The following ZAP70 variants were observed in gnomAD, a reference collection of about 807,000 sequenced individuals.
ZAP70 encodes zeta chain of T cell receptor associated protein kinase 70.
In ZAP70, 27 loss-of-function variants were observed where a neutral mutation model predicts 65.8. The observed-to-expected ratio is 0.41, with a 90% CI of 0.30 to 0.57. ZAP70 has a LOEUF of 0.57. ZAP70 is among the 20% of genes least tolerant of loss of function. The pLI is 0.28. For missense variants in ZAP70, 696 were observed against 870.5 expected (o/e 0.80, Z 2.52); for synonymous variants, 363 against 360.8 (o/e 1.01, Z -0.07).
chr2:97,751,478 A>C, the ZAP70 span, among the ~76,000 whole-genome samples: 1 of 152,198 alleles, frequency 6.6e-6, no homozygotes, highest in Non-Finnish European at 1.5e-5. Context: ...ATTTCTTAAG[A>C]TGTAGAATTT....
intron 2 of ZAP70, among the ~76,000 whole-genome samples, chr2:97,718,537 G>A (rs1403827602): frequency 6.6e-6 from 1 of 152,154 alleles, no homozygotes; most frequent in Non-Finnish European, 1.5e-5. Context: ...GTGGGGTGGT[G>A]CTTGTGATTA....
chr2:97,724,640 G>C, intron 3 of ZAP70: 2 of 1,531,892 alleles, frequency 1.3e-6, no homozygotes, highest in Non-Finnish European at 1.7e-6. Flanking sequence ...GTCGCCTTCC[G>C]CAGGCTGAGC....
intron 8 of ZAP70, 142 bp downstream of exon 8, chr2:97,733,737 C>T: frequency 1.1e-6 from 1 of 946,614 alleles, no homozygotes; most frequent in Non-Finnish European, 1.7e-6. Flanking sequence ...CCTGTGCACA[C>T]ATGTGCCCAC....
In ZAP70 at chr2:97,734,717, G is replaced by T; in HGVS notation, c.1082+5G>T. ...GGGCGTGTACCGCATGCGCAAGTATGGCCGCCCCTGCCGTGGTGGGAGCAC... is the reference window on the plus strand; with the variant it reads ...GGGCGTGTACCGCATGCGCAAGTATTGCCGCCCCTGCCGTGGTGGGAGCAC... On this transcript the variant is annotated splice_donor_5th_base_variant and intron_variant, in intron 9 of 13. Transcript: ENST00000264972. 1 of 1,613,348 alleles carries T rather than the reference G, an allele frequency of 6.2e-7. No individual in the cohort carries two copies.
chr2:97,717,969 A>G (rs1306275421), intron 2 of ZAP70, among the ~76,000 whole-genome samples: 6 of 152,066 alleles, frequency 3.9e-5, no homozygotes, highest in African/African-American at 1.5e-4. Flanking sequence ...CTCTGCTGTG[A>G]TCTCTGTGCT....
rs1162440569 is a variant in ZAP70 at position 97,731,265 on chromosome 2, A to G, written c.564-1618A>G. Among the ~76,000 whole-genome samples, 1 of 152,104 alleles carries G rather than the reference A, an allele frequency of 6.6e-6. No homozygotes were observed. Among genetic ancestry groups the G allele is most frequent in the Non-Finnish European group, 1.5e-5 (1 of 68,000 alleles). ...TGACTTCCACAGCTCTGAGACCCCC[A>G]GGGCCAATAGCCCTCCCTCCTCACT... is the stretch of plus-strand genomic sequence containing the variant. On this transcript the variant is annotated intron_variant, in intron 4 of 13. Transcript: ENST00000264972. This position sits in a 1 kb window ranked among gnomAD's most constrained non-coding sequence, Gnocchi z 4.0.
In ZAP70 at chr2:97,737,500, C is replaced by G; in HGVS notation, c.1317C>G (p.Ala439=). The G allele has an allele frequency of 1.9e-6, 3 of 1,614,074 alleles. No homozygotes were observed. Among genetic ancestry groups the G allele is most frequent in the Non-Finnish European group, 2.5e-6 (3 of 1,179,964 alleles). ...KREEIPVSNV[A]ELLHQVSMGM... ...AGGAGATCCCTGTGAGCAATGTGGCCGAGCTGCTGCACCAGGTGTCCATGG... is the reference window on the plus strand; with the variant it reads ...AGGAGATCCCTGTGAGCAATGTGGCGGAGCTGCTGCACCAGGTGTCCATGG... Residue 439 remains alanine (A), a synonymous_variant, in exon 11 of 14, where the codon GCC becomes GCG. Transcript: ENST00000264972. The surrounding 1 kb of genome is among the most constrained non-coding windows in gnomAD (Gnocchi z 5.0).
rs1573286699 is a variant in ZAP70 at position 97,736,260 on chromosome 2, G to C, written c.1289+804G>C. On this transcript the variant is annotated intron_variant, in intron 10 of 13. Transcript: ENST00000264972. This position sits in a 1 kb window ranked among gnomAD's most constrained non-coding sequence, Gnocchi z 4.0. Reference sequence around the variant, plus strand: ...TAAAGGCTAAAATCCTTACTATCCGGCCCTTTACTGAAAAGTTTTGCAGTT... The same window carrying C: ...TAAAGGCTAAAATCCTTACTATCCGCCCCTTTACTGAAAAGTTTTGCAGTT... Among the ~76,000 whole-genome samples, 1 of 151,942 alleles carries C rather than the reference G, an allele frequency of 6.6e-6. No individual in the cohort carries two copies. The highest frequency in any genetic ancestry group is 2.1e-4 in the South Asian group (1 of 4,814).
rs868316208 is a variant in ZAP70 at position 97,724,572 on chromosome 2, G to A, written c.402+134G>A. On this transcript the variant is annotated intron_variant, in intron 3 of 13. Coordinates refer to ENST00000264972, the MANE Select transcript of ZAP70 (RefSeq NM_001079.4). ...CCCCTTTGGAAGCTGGAGAGGTGGG[G>A]CACTGGTTGGGGAAGAACCTGAAAG... The A allele has an allele frequency of 2.5e-5, 39 of 1,534,072 alleles. No homozygotes were observed. In the Middle Eastern group the frequency reaches 8.4e-4, roughly 33 times the overall value.
At chr2:97,728,958 G>A (rs1317097653) in intron 4 of ZAP70, among the ~76,000 whole-genome samples, 2 of 152,180 alleles carry the variant, frequency 1.3e-5, no homozygotes, top group African/African-American at 4.8e-5. Context: ...TTGCCATGTT[G>A]GCCAGGCTGG....
rs982668677 is a variant in ZAP70, at chr2:97,733,185, C to T, written c.763C>T (p.Pro255Ser). The part of the protein sequence containing the change: ...GLIYCLKEAC[P>S]NSSASNASGA... Reference sequence around the variant, plus strand: ...CATCTACTGCCTGAAGGAGGCCTGCCCCAACAGCAGTGCCAGCAACGCCTC... The same window carrying T: ...CATCTACTGCCTGAAGGAGGCCTGCTCCAACAGCAGTGCCAGCAACGCCTC... Residue 255 changes from proline to serine, a missense_variant, in exon 6 of 14, where the codon CCC (proline) becomes TCC (serine). Physicochemically the swap from Pro to Ser is moderately conservative, Grantham distance 74 (BLOSUM62 -1). Around this residue, in one of 3 missense-constraint regions of ZAP70, gnomAD observed 551 missense variants for 630.0 expected, o/e 0.87. Coordinates refer to ENST00000264972, the MANE Select transcript of ZAP70 (RefSeq NM_001079.4). The T allele has an allele frequency of 1.2e-5, 19 of 1,613,620 alleles. No individual in the cohort carries two copies. Among genetic ancestry groups the T allele is most frequent in the Non-Finnish European group, 1.5e-5 (18 of 1,179,948 alleles).
chr2:97,751,010 G>A, the ZAP70 span, among the ~76,000 whole-genome samples: 13 of 152,186 alleles, frequency 8.5e-5, no homozygotes, highest in Non-Finnish European at 1.6e-4. Flanking sequence ...GATCGCTACT[G>A]GAAGGTTTTG....
chr2:97,733,618 G>A (rs897858343), intron 8 of ZAP70, 23 bp downstream of exon 8: 21 of 1,613,240 alleles, frequency 1.3e-5, no homozygotes, highest in African/African-American at 4.0e-5. Context: ...AGGTGGGGAC[G>A]CGGGTTGGGG....
chr2:97,737,323 C>A lies in ZAP70; in HGVS notation c.1290-150C>A. ...GTTTTGTTCACTGCTGTGTCCCCAGCCCCACGCCTGGCACACAGCAGGTGC... is the reference window on the plus strand; with the variant it reads ...GTTTTGTTCACTGCTGTGTCCCCAGACCCACGCCTGGCACACAGCAGGTGC... On this transcript the variant is annotated intron_variant, in intron 10 of 13. Transcript: ENST00000264972. This position sits in a 1 kb window ranked among gnomAD's most constrained non-coding sequence, Gnocchi z 5.0. The A allele has an allele frequency of 1.3e-6, 1 of 785,058 alleles. No homozygotes were observed. The highest frequency in any genetic ancestry group is 2.1e-6 in the Non-Finnish European group (1 of 467,370). The allele number at this position is 785,058 out of a possible 1,614,324, so 48.6% of individuals were successfully genotyped here. A position where few individuals can be genotyped will look rare whatever the true frequency, so the allele number is the denominator to read the frequency against.
downstream of ZAP70, among the ~76,000 whole-genome samples, chr2:97,741,949 G>A (rs1429522529): frequency 2.0e-5 from 3 of 152,260 alleles, no homozygotes; most frequent in Non-Finnish European, 4.4e-5. Context: ...GGCCAATCTG[G>A]TGGGCTTCCT....
intron 4 of ZAP70, among the ~76,000 whole-genome samples, chr2:97,732,405 G>A (rs916798304): frequency 2.0e-5 from 3 of 152,200 alleles, no homozygotes; most frequent in Non-Finnish European, 4.4e-5. Context: ...AAGGCTCTGG[G>A]TCTGTTGTAG....
downstream of ZAP70, among the ~76,000 whole-genome samples, chr2:97,743,886 C>T (rs1678186868): frequency 6.6e-6 from 1 of 152,120 alleles, no homozygotes; most frequent in Non-Finnish European, 1.5e-5. Context: ...CATTAGGGGG[C>T]CCTGCATTGG....
intron 2 of ZAP70, among the ~76,000 whole-genome samples, chr2:97,719,776 C>T (rs1358439740): frequency 6.6e-6 from 1 of 152,120 alleles, no homozygotes; most frequent in African/African-American, 2.4e-5. Flanking sequence ...TGAGATTTGA[C>T]AAATGCATAC....
Position 97,731,260 on chromosome 2 carries a change from C to A in ZAP70, c.564-1623C>A, listed in dbSNP as rs1047625294. On this transcript the variant is annotated intron_variant, in intron 4 of 13. Coordinates refer to ENST00000264972, the MANE Select transcript of ZAP70 (RefSeq NM_001079.4). This position sits in a 1 kb window ranked among gnomAD's most constrained non-coding sequence, Gnocchi z 4.0. Reference sequence around the variant, plus strand: ...GCCTCTGACTTCCACAGCTCTGAGACCCCCAGGGCCAATAGCCCTCCCTCC... The same window carrying A: ...GCCTCTGACTTCCACAGCTCTGAGAACCCCAGGGCCAATAGCCCTCCCTCC... Among the ~76,000 whole-genome samples the A allele has an allele frequency of 1.3e-5, 2 of 152,142 alleles. No individual in the cohort carries two copies. The highest frequency in any genetic ancestry group is 2.9e-5 in the Non-Finnish European group (2 of 68,020).
Sources: allele counts gnomAD v4.1 joint callset (sites outside exome capture counted in the v4.1 genomes callset), GRCh38; gene constraint gnomAD v4.1.1; regional missense constraint gnomAD v4.1.1; non-coding constraint Gnocchi (gnomAD v3.1); transcripts MANE v1.5; gene names NCBI Gene and HGNC (gene_info 2026-07-23, HGNC 2026-07-21).